The following TRPM8 variants were observed in gnomAD, a reference collection of about 807,000 sequenced individuals.
TRPM8 encodes the protein TRPM8 cationic channel.
In TRPM8, 110 loss-of-function variants were observed where a neutral mutation model predicts 133.7. That is an observed-to-expected ratio of 0.82 (90% CI 0.70 to 0.96). The LOEUF (loss-of-function observed/expected upper bound fraction) is 0.96, where lower values mean the gene tolerates loss of function less well. Ranked by LOEUF, TRPM8 falls within the 40% of genes least tolerant of loss-of-function variation. The pLI is 0.00. For missense variants in TRPM8, 1,291 were observed against 1,379.5 expected (o/e 0.94, Z 1.02); for synonymous variants, 535 against 532.3 (o/e 1.01, Z -0.07).
At chr2:233,949,055 G>A (rs11902618) in intron 8 of TRPM8, among the ~76,000 whole-genome samples, 25,738 of 151,852 alleles carry the variant, frequency 0.17, 2,754 homozygotes, top group African/African-American at 0.29. Context: ...GAAAGAAAAA[G>A]AAAAGAAAAT....
intron 3 of TRPM8, among the ~76,000 whole-genome samples, chr2:233,934,386 G>C (rs921243049): frequency 1.3e-5 from 2 of 152,218 alleles, no homozygotes; most frequent in African/African-American, 4.8e-5. Context: ...AAATTCTTAA[G>C]AAAGGGATGC....
At chr2:233,980,986 G>T (rs1691993035) in intron 18 of TRPM8, among the ~76,000 whole-genome samples, 1 of 152,106 alleles carries the variant, frequency 6.6e-6, no homozygotes, top group Admixed American at 6.5e-5. Flanking sequence ...GAGGTGGGAG[G>T]ATCACTTGAG....
intron 8 of TRPM8, chr2:233,947,661 C>T: frequency 4.9e-6 from 6 of 1,215,436 alleles, no homozygotes; most frequent in Non-Finnish European, 6.5e-6. Flanking sequence ...GCACCTGCAA[C>T]ACTGAGCAAC....
At chr2:233,935,315 T>C (rs1488676542) in intron 3 of TRPM8, among the ~76,000 whole-genome samples, 1 of 152,196 alleles carries the variant, frequency 6.6e-6, no homozygotes, top group African/African-American at 2.4e-5. Context: ...CCATGTATGG[T>C]TGCTGGGCTG....
intron 6 of TRPM8, chr2:233,943,126 A>G (rs371112800): frequency 2.3e-5 from 6 of 264,144 alleles, no homozygotes; most frequent in East Asian, 1.9e-4. Flanking sequence ...TTTTATTATT[A>G]TACTTTAAGT....
chr2:233,990,776 C>T (rs1166915095), intron 21 of TRPM8, among the ~76,000 whole-genome samples: 1 of 152,102 alleles, frequency 6.6e-6, no homozygotes, highest in Non-Finnish European at 1.5e-5. Flanking sequence ...TTCTTGTTTC[C>T]TGTCAAGGGA....
At chr2:233,932,259 G>T (rs1691695452) in intron 3 of TRPM8, among the ~76,000 whole-genome samples, 2 of 152,178 alleles carry the variant, frequency 1.3e-5, no homozygotes, top group East Asian at 1.9e-4. Context: ...TTCTCTGATG[G>T]ATGGGCTCTT....
chr2:233,946,907 A>C (rs928786931), intron 7 of TRPM8, among the ~76,000 whole-genome samples, 181 bp from the exon 8 acceptor site: 1 of 152,234 alleles, frequency 6.6e-6, no homozygotes, highest in African/African-American at 2.4e-5. Flanking sequence ...TGCTATTACT[A>C]GTGTGGAGCA....
rs1158720917 is a variant in TRPM8, at chr2:233,927,942, CTCTCTCTCTCTCTCTCTCTT to C, written c.117+1292_117+1311del. On this transcript the variant is annotated intron_variant, in intron 2 of 25. Transcript: ENST00000324695. The stretch of plus-strand genomic sequence containing the variant: ...TCTCTCTTTCTCTCTCTCTCTCTCT[CTCTCTCTCTCTCTCTCTCTT>C]TCTTTCTTTCTTTCTTTTTTTTTTT... 1.8e-4 allele frequency among the ~76,000 whole-genome samples: 13 copies of C among 73,594 alleles called. 5 individuals are homozygous for C. The highest frequency in any genetic ancestry group is 1.3e-3 in the African/African-American group (13 of 10,356). The allele number at this position is 73,594 out of a possible 152,430, so 48.3% of individuals were successfully genotyped here.
intron 17 of TRPM8, among the ~76,000 whole-genome samples, chr2:233,979,699 G>C (rs1310990718): frequency 1.3e-5 from 2 of 152,166 alleles, no homozygotes; most frequent in Non-Finnish European, 2.9e-5. Context: ...GTTATATACA[G>C]CACTTATGTG....
At position 233,930,632 on chromosome 2, in the gene TRPM8, A is replaced by G. The variant is rs201034641; in HGVS notation, c.118-36A>G. On this transcript the variant is annotated intron_variant, in intron 2 of 25. Coordinates refer to ENST00000324695, the MANE Select transcript of TRPM8 (RefSeq NM_024080.5). ...CAATATCAGCAAGGGGTGAGAATAA[A>G]TTAGTAATGTGTTATTCAATGTTCT... 16 of 1,420,728 alleles carry G rather than the reference A, an allele frequency of 1.1e-5. No individual in the cohort carries two copies. In the East Asian group the frequency reaches 3.0e-4, roughly 27 times the overall value. 88.0% of individuals were successfully genotyped at this position (1,420,728 alleles called of 1,614,324 possible). A position where few individuals can be genotyped will look rare whatever the true frequency, so the allele number is the denominator to read the frequency against.
intron 24 of TRPM8, among the ~76,000 whole-genome samples, chr2:234,012,598 CT>C (rs1382997827): frequency 5.9e-5 from 9 of 151,734 alleles, no homozygotes; most frequent in African/African-American, 1.5e-4. Context: ...CTTTTCTTTT[CT>C]TTTTTTCTTG....
chr2:233,940,284 G>T lies in TRPM8; in HGVS notation c.526+1109G>T, dbSNP rs79791961. Among the ~76,000 whole-genome samples, 197 of 137,362 alleles carry T rather than the reference G, an allele frequency of 1.4e-3. 1 individual carries two copies. The highest frequency in any genetic ancestry group is 3.8e-3 in the African/African-American group (146 of 38,608). The allele number at this position is 137,362 out of a possible 152,430, so 90.1% of individuals were successfully genotyped here. ...GAAACGTGTCGTAATCTAGACATGGGTTTTTTTTTTTTTTAATATCAAGAA... is the reference window on the plus strand; with the variant it reads ...GAAACGTGTCGTAATCTAGACATGGTTTTTTTTTTTTTTTAATATCAAGAA... On this transcript the variant is annotated intron_variant, in intron 5 of 25. Transcript: ENST00000324695.
intron 17 of TRPM8, among the ~76,000 whole-genome samples, chr2:233,972,822 G>T (rs559393386): frequency 1.3e-5 from 2 of 152,238 alleles, no homozygotes; most frequent in South Asian, 4.1e-4. Context: ...AGCTCCACAC[G>T]CAGCCCCGGT....
rs1371280425 is a variant in TRPM8, at chr2:233,932,210, C to T, written c.191+1469C>T. Among the ~76,000 whole-genome samples, 6 of 152,222 alleles carry T rather than the reference C, an allele frequency of 3.9e-5. No individual in the cohort carries two copies. In the South Asian group the frequency reaches 1.0e-3, roughly 26 times the overall value. ...GCCAGATCCAGGGCTTCAACAACGTCGCCGAGACTCTGTCTCTTTCCACCT... is the reference window on the plus strand; with the variant it reads ...GCCAGATCCAGGGCTTCAACAACGTTGCCGAGACTCTGTCTCTTTCCACCT... On this transcript the variant is annotated intron_variant, in intron 3 of 25. Transcript: ENST00000324695.
intron 17 of TRPM8, among the ~76,000 whole-genome samples, chr2:233,975,395 T>C (rs2125250023): frequency 6.6e-6 from 1 of 152,284 alleles, no homozygotes; most frequent in East Asian, 1.9e-4. Context: ...GGGTGTTCTC[T>C]AGGGCAGAGG....
chr2:233,947,753 CG>C (rs1691081273), intron 8 of TRPM8, among the ~76,000 whole-genome samples: 4 of 152,152 alleles, frequency 2.6e-5, no homozygotes, highest in Admixed American at 2.6e-4. Context: ...TTCTGTTTGA[CG>C]TTTTTTTGTT....
Position 233,939,096 on chromosome 2 carries a change from C to G in TRPM8, c.447C>G (p.Thr149=), listed in dbSNP as rs764245476. Residue 149 remains threonine, a synonymous_variant, in exon 5 of 26, where the codon ACC becomes ACG. Coordinates refer to ENST00000324695, the MANE Select transcript of TRPM8 (RefSeq NM_024080.5). Reference sequence around the variant, plus strand: ...CACCCAACCTGGTCATTTCTGTGACCGGGGGCGCCAAGAACTTCGCCCTGA... The same window carrying G: ...CACCCAACCTGGTCATTTCTGTGACGGGGGGCGCCAAGAACTTCGCCCTGA... ...LKTPNLVISV[T]GGAKNFALKP... is the part of the protein sequence containing the mutation. 2 of 1,614,134 alleles carry G rather than the reference C, an allele frequency of 1.2e-6. No homozygotes were observed. Among genetic ancestry groups the G allele is most frequent in the Non-Finnish European group, 1.7e-6 (2 of 1,180,046 alleles).
chr2:234,008,188 T>C, intron 24 of TRPM8, 85 bp downstream of exon 24: 2 of 1,317,298 alleles, frequency 1.5e-6, no homozygotes, highest in Non-Finnish European at 2.1e-6. Flanking sequence ...GTAGTTGTGA[T>C]AATAAAAGAA....
Sources: gnomAD v4.1 joint callset for allele counts (sites outside exome capture counted in the v4.1 genomes callset) on GRCh38, gnomAD v4.1.1 for gene constraint, MANE v1.5 for transcripts, NCBI Gene and HGNC (gene_info 2026-07-23, HGNC 2026-07-21) for gene names.